The following PXT1 variants were observed in gnomAD, a reference collection of about 807,000 sequenced individuals.
The protein encoded by PXT1 is peroxisomal testis enriched protein 1, also known as peroxisomal testis-specific protein 1.
A neutral mutation model predicts 11.0 loss-of-function variants in PXT1; 11 were observed. That is an observed-to-expected ratio of 1.00 (90% CI 0.63 to 1.66). PXT1 has a LOEUF of 1.66. Among genes scored for constraint, PXT1 ranks in the 40% most tolerant of loss-of-function variants. The pLI, the probability that PXT1 is intolerant of heterozygous loss-of-function variation, is 0.00. For synonymous variants in PXT1, 43 were observed against 51.4 expected (o/e 0.84, Z 0.70); for missense variants, 141 against 155.5 (o/e 0.91, Z 0.49).
intron 3 of PXT1, among the ~76,000 whole-genome samples, chr6:36,405,872 C>T (rs962526024): frequency 1.3e-5 from 2 of 152,158 alleles, no homozygotes; most frequent in Non-Finnish European, 2.9e-5. Context: ...GGTAACATGC[C>T]GTACAGGTTT....
intron 3 of PXT1, among the ~76,000 whole-genome samples, chr6:36,418,182 C>T (rs184918642): frequency 1.7e-3 from 255 of 150,100 alleles, no homozygotes; most frequent in African/African-American, 6.2e-3. Flanking sequence ...GGCGACAGAG[C>T]GAGACTCCGT....
chr6:36,400,395 G>A (rs1774196369), intron 4 of PXT1, 59 bp downstream of exon 4: 4 of 1,596,240 alleles, frequency 2.5e-6, no homozygotes, highest in African/African-American at 2.7e-5. Flanking sequence ...GGCAGCCGTA[G>A]TTTTGTTTGC....
At chr6:36,399,468 ATTGT>A (rs1450938299) in intron 4 of PXT1, among the ~76,000 whole-genome samples, 1 of 152,046 alleles carries the variant, frequency 6.6e-6, no homozygotes, top group Non-Finnish European at 1.5e-5. Context: ...TTATAGCATT[ATTGT>A]TGGGATCTCC....
Position 36,418,715 on chromosome 6 carries a change from C to T in PXT1, c.169+7199G>A, listed in dbSNP as rs138987753. On this transcript the variant is annotated intron_variant, in intron 3 of 4. Transcript: ENST00000454782. ...TCACCTTTCACCATGGGCAGCGAGG[C>T]TGCAAGCTGACTGGGAGAAGATAAA... Among the ~76,000 whole-genome samples, 14 of 152,352 alleles carry T rather than the reference C, an allele frequency of 9.2e-5. No individual in the cohort carries two copies. The East Asian group carries it at 1.2e-3, about 13-fold the overall frequency.
chr6:36,427,784 G>A (rs1254071299), intron 2 of PXT1, among the ~76,000 whole-genome samples: 1 of 151,956 alleles, frequency 6.6e-6, no homozygotes, highest in Non-Finnish European at 1.5e-5. Flanking sequence ...CATATTTTGG[G>A]TGCTCAGTAG....
At chr6:36,406,131 T>C (rs1774285999) in intron 3 of PXT1, among the ~76,000 whole-genome samples, 1 of 152,228 alleles carries the variant, frequency 6.6e-6, no homozygotes, top group African/African-American at 2.4e-5. Context: ...CCAATCACTA[T>C]CTGATTTGCC....
chr6:36,439,793 T>C (rs913006365), intron 1 of PXT1, among the ~76,000 whole-genome samples: 2 of 152,026 alleles, frequency 1.3e-5, no homozygotes, highest in Non-Finnish European at 2.9e-5. Flanking sequence ...TTAACAGGAA[T>C]AACAAGAGAT....
chr6:36,436,691 A>G (rs544044571), intron 2 of PXT1, among the ~76,000 whole-genome samples: 2 of 152,364 alleles, frequency 1.3e-5, no homozygotes, highest in Admixed American at 1.3e-4. Flanking sequence ...GCATTTGCCA[A>G]TATGAATTTG....
Position 36,391,636 on chromosome 6 carries a change from G to A in PXT1, c.*134C>T. On this transcript the variant is annotated 3_prime_UTR_variant, in exon 5 of 5. Transcript: ENST00000454782. ...AACCCGCAGTTCTTCAACAAACTGG[G>A]TGTAGACCAACAGTGATGGGTACAA... The A allele has an allele frequency of 1.4e-6, 1 of 711,970 alleles. No homozygotes were observed. Among genetic ancestry groups the A allele is most frequent in the Non-Finnish European group, 2.5e-6 (1 of 398,156 alleles). The allele number at this position is 711,970 out of a possible 1,614,324, so 44.1% of individuals were successfully genotyped here.
intron 3 of PXT1, among the ~76,000 whole-genome samples, chr6:36,401,413 C>T (rs148283798): frequency 2.7e-4 from 41 of 152,162 alleles, no homozygotes; most frequent in African/African-American, 9.1e-4. Context: ...CTGGGAGGAT[C>T]ACTTGAGCCA....
Position 36,425,953 on chromosome 6 carries a change from C to G in PXT1, c.130G>C (p.Val44Leu). 6.5e-7 allele frequency: 1 copy of G among 1,535,654 alleles called. No homozygotes were observed. Among genetic ancestry groups the G allele is most frequent in the South Asian group, 1.2e-5 (1 of 83,598 alleles). The change falls in exon 3 of 5, where the codon GTC becomes CTC. Residue 44 changes from valine (V) to leucine (L), a missense_variant. Val to Leu is a conservative substitution (Grantham distance 32). Transcript: ENST00000454782. ...ATGGCTGGAACTGGCTGGGAGCTGA[C>G]AAGTTGGGTCATGTATGCCTTCTGA... Reference protein sequence around the residue: ...SFQKAYMTQLVSSQPVPAMSR... With the variant: ...SFQKAYMTQLLSSQPVPAMSR...
At chr6:36,400,146 A>T (rs575054496) in intron 4 of PXT1, among the ~76,000 whole-genome samples, 3 of 152,310 alleles carry the variant, frequency 2.0e-5, no homozygotes, top group African/African-American at 7.2e-5. Flanking sequence ...GAATGTGTAA[A>T]AAGGTAGATT....
intron 3 of PXT1, among the ~76,000 whole-genome samples, chr6:36,413,030 G>A (rs1774397104): frequency 6.6e-6 from 1 of 152,154 alleles, no homozygotes; most frequent in Non-Finnish European, 1.5e-5. Context: ...ACCAGCATCT[G>A]ATTAATGGGA....
At chr6:36,423,421 C>T (rs1774552737) in intron 3 of PXT1, among the ~76,000 whole-genome samples, 1 of 152,292 alleles carries the variant, frequency 6.6e-6, no homozygotes, top group South Asian at 2.1e-4. Context: ...CGCGCGCGGA[C>T]GAGCAGGTTA....
At chr6:36,403,564 T>C (rs1279615660) in intron 3 of PXT1, among the ~76,000 whole-genome samples, 1 of 152,002 alleles carries the variant, frequency 6.6e-6, no homozygotes, top group Non-Finnish European at 1.5e-5. Context: ...AGAAGAAAAC[T>C]TGAGTTCATT....
At chr6:36,439,188 G>A (rs547332109) in intron 1 of PXT1, among the ~76,000 whole-genome samples, 2 of 151,678 alleles carry the variant, frequency 1.3e-5, no homozygotes, top group East Asian at 3.9e-4. Flanking sequence ...AGTAGAGACG[G>A]GGTTTCACCA....
intron 2 of PXT1, among the ~76,000 whole-genome samples, chr6:36,434,555 A>G (rs535465885): frequency 6.6e-6 from 1 of 152,380 alleles, no homozygotes; most frequent in South Asian, 2.1e-4. Flanking sequence ...TCGTAATGGA[A>G]CATTAATGAC....
chr6:36,440,564 G>C (rs372913480), intron 1 of PXT1, among the ~76,000 whole-genome samples: 6 of 150,744 alleles, frequency 4.0e-5, no homozygotes, highest in African/African-American at 1.5e-4. Flanking sequence ...GCAACAAAGG[G>C]AGACACTGTC....
chr6:36,421,861 T>G (rs1384577366), intron 3 of PXT1, among the ~76,000 whole-genome samples: 1 of 152,210 alleles, frequency 6.6e-6, no homozygotes. Flanking sequence ...TTTAGAACCC[T>G]ATGCTCTAAC....
Sources: gnomAD v4.1 joint callset for allele counts (sites outside exome capture counted in the v4.1 genomes callset) on GRCh38, gnomAD v4.1.1 for gene constraint, MANE v1.5 for transcripts, NCBI Gene and HGNC (gene_info 2026-07-23, HGNC 2026-07-21) for gene names.